SAXO1: variants seen among roughly 807,000 people sequenced by gnomAD.
SAXO1 encodes 4930500O09Rik.
Under a neutral mutation model 17.5 loss-of-function variants are expected in SAXO1, and 21 were observed. That is an observed-to-expected ratio of 1.20 (90% CI 0.85 to 1.72). The LOEUF (loss-of-function observed/expected upper bound fraction) is 1.72, where lower values mean the gene tolerates loss of function less well. SAXO1 is among the 40% of genes most tolerant of loss of function. The pLI, the probability that SAXO1 is intolerant of heterozygous loss-of-function variation, is 0.00. For synonymous variants in SAXO1, 274 were observed against 216.5 expected (o/e 1.27, Z -2.33); for missense variants, 843 against 596.0 (o/e 1.41, Z -4.32).
chr9:18,962,187 C>A (rs1428369742), intron 1 of SAXO1, among the ~76,000 whole-genome samples: 1 of 152,184 alleles, frequency 6.6e-6, no homozygotes. Context: ...CCTGCCTCAG[C>A]CTCCTAAGTA....
chr9:19,009,246 TAAA>T (rs5896829), intron 1 of SAXO1, among the ~76,000 whole-genome samples: 1 of 151,244 alleles, frequency 6.6e-6, no homozygotes, highest in Non-Finnish European at 1.5e-5. Flanking sequence ...CTGCCAAATT[TAAA>T]AAAAAAATTT....
chr9:18,987,489 G>C (rs1833640542), intron 1 of SAXO1, among the ~76,000 whole-genome samples: 1 of 152,204 alleles, frequency 6.6e-6, no homozygotes, highest in Non-Finnish European at 1.5e-5. Context: ...ATATGATCCA[G>C]CTTTTCCTTT....
intron 1 of SAXO1, among the ~76,000 whole-genome samples, chr9:18,994,592 A>G (rs1039406546): frequency 2.0e-5 from 3 of 152,182 alleles, no homozygotes; most frequent in Admixed American, 6.5e-5. Context: ...AGTATGTTCA[A>G]TGTTTTGAAG....
At chr9:18,993,874 A>C (rs1027078908) in intron 1 of SAXO1, among the ~76,000 whole-genome samples, 1 of 152,168 alleles carries the variant, frequency 6.6e-6, no homozygotes, top group South Asian at 2.1e-4. Flanking sequence ...AGGGAGGGGG[A>C]TAAGTCCAGA....
At chr9:19,039,684 G>A (rs746598219) in intron 1 of SAXO1, among the ~76,000 whole-genome samples, 1 of 152,190 alleles carries the variant, frequency 6.6e-6, no homozygotes, top group African/African-American at 2.4e-5. Flanking sequence ...CAAGTAGTCG[G>A]TTGGCTTCAT....
chr9:19,016,900 G>A (rs1055127618), intron 1 of SAXO1, among the ~76,000 whole-genome samples: 10 of 141,442 alleles, frequency 7.1e-5, no homozygotes, highest in African/African-American at 1.9e-4. Context: ...GTGCCCACCC[G>A]CCACTACAGA....
intron 1 of SAXO1, among the ~76,000 whole-genome samples, chr9:19,042,910 G>C (rs7022093): frequency 0.35 from 53,586 of 151,992 alleles, 10,240 homozygotes; most frequent in East Asian, 0.42. Flanking sequence ...AGTGGTTGAT[G>C]CCTATAATAC....
At chr9:19,003,766 C>T (rs540430099) in intron 1 of SAXO1, among the ~76,000 whole-genome samples, 18 of 152,250 alleles carry the variant, frequency 1.2e-4, no homozygotes, top group South Asian at 8.3e-4. Context: ...AAGACTTAAA[C>T]GTAAGACCTA....
intron 1 of SAXO1, among the ~76,000 whole-genome samples, chr9:19,012,245 TAAG>T (rs1337123693): frequency 6.6e-6 from 1 of 152,156 alleles, no homozygotes; most frequent in Admixed American, 6.5e-5. Context: ...CTAGAGAAAA[TAAG>T]ATTTAGAGCC....
intron 1 of SAXO1, among the ~76,000 whole-genome samples, chr9:18,971,384 A>G (rs565014814): frequency 6.6e-6 from 1 of 152,268 alleles, no homozygotes; most frequent in African/African-American, 2.4e-5. Flanking sequence ...TATCAGGGCT[A>G]ATCTATATTT....
At chr9:18,974,122 G>A (rs1026698441) in intron 1 of SAXO1, among the ~76,000 whole-genome samples, 2 of 152,174 alleles carry the variant, frequency 1.3e-5, no homozygotes, top group African/African-American at 4.8e-5. Context: ...TGGGGCAGGA[G>A]AGGCATCCAA....
chr9:18,949,292 T>C (rs1377258977), intron 2 of SAXO1, among the ~76,000 whole-genome samples: 1 of 152,120 alleles, frequency 6.6e-6, no homozygotes, highest in African/African-American at 2.4e-5. Flanking sequence ...ACCTTGTCTC[T>C]ACAAAAAGTT....
chr9:18,982,902 T>C (rs1833452376), intron 1 of SAXO1, among the ~76,000 whole-genome samples: 1 of 152,190 alleles, frequency 6.6e-6, no homozygotes, highest in African/African-American at 2.4e-5. Context: ...CAAGTATTTA[T>C]GCTACAAGGT....
chr9:19,027,697 G>C (rs897368740), intron 1 of SAXO1: 9 of 1,342,560 alleles, frequency 6.7e-6, no homozygotes, highest in African/African-American at 1.4e-5. Flanking sequence ...CTGATGAGCT[G>C]GATGCCATAG....
At chr9:19,004,849 T>C (rs1834424560) in intron 1 of SAXO1, among the ~76,000 whole-genome samples, 1 of 152,124 alleles carries the variant, frequency 6.6e-6, no homozygotes, top group Non-Finnish European at 1.5e-5. Flanking sequence ...ACATGTACGC[T>C]AGAACTTAGA....
Position 18,950,749 on chromosome 9 carries a change from T to C in SAXO1, c.218+9A>G, listed in dbSNP as rs763232693. On this transcript the variant is annotated intron_variant, in intron 2 of 3. Coordinates refer to ENST00000380534, the MANE Select transcript of SAXO1 (RefSeq NM_153707.4). ...TGTACCTGCATACATTAATACTGTT[T>C]GCCCTCACCTTGATGTAGTCAGGCC... is the stretch of plus-strand genomic sequence containing the variant. 4 of 1,611,026 alleles carry C rather than the reference T, an allele frequency of 2.5e-6. No homozygotes were observed. The highest frequency in any genetic ancestry group is 3.4e-6 in the Non-Finnish European group (4 of 1,177,958).
intron 3 of SAXO1, among the ~76,000 whole-genome samples, chr9:18,930,081 G>T (rs1230200760): frequency 1.3e-5 from 2 of 152,160 alleles, no homozygotes; most frequent in Non-Finnish European, 2.9e-5. Context: ...AAACCGTATT[G>T]TTGTCTCCAA....
chr9:19,041,031 A>G lies in SAXO1; in HGVS notation c.-158+8178T>C, dbSNP rs1057404272. Among the ~76,000 whole-genome samples the G allele has an allele frequency of 2.0e-5, 3 of 152,076 alleles. No individual in the cohort carries two copies. In the East Asian group the frequency reaches 5.8e-4, roughly 29 times the overall value. On this transcript the variant is annotated intron_variant, in intron 1 of 3. Coordinates refer to the SAXO1 transcript ENST00000542071. ...CGTTGTTTGCAGATGATATGTTCTT[A>G]TATTTGGAAAAACCTAAAGGCTCCA...
At chr9:19,009,509 T>G (rs1308904791) in intron 1 of SAXO1, among the ~76,000 whole-genome samples, 1 of 152,194 alleles carries the variant, frequency 6.6e-6, no homozygotes, top group South Asian at 2.1e-4. Flanking sequence ...AAGCTGCAGA[T>G]GCTTTTTGGG....
Sources: gnomAD v4.1 joint callset for allele counts (sites outside exome capture counted in the v4.1 genomes callset) on GRCh38, gnomAD v4.1.1 for gene constraint, MANE v1.5 for transcripts, NCBI Gene and HGNC (gene_info 2026-07-23, HGNC 2026-07-21) for gene names.